The following RBMS1 variants were observed in gnomAD, a reference collection of about 807,000 sequenced individuals.
RBMS1 encodes the protein RNA-binding motif, single-stranded-interacting protein 1.
RBMS1 carries 17 observed loss-of-function variants against 62.3 expected under a neutral mutation model. The ratio of observed to expected loss-of-function variants is 0.27; its 90% confidence interval spans 0.19 to 0.41. RBMS1 has a LOEUF of 0.41. Ranked by LOEUF, RBMS1 falls within the 10% of genes least tolerant of loss-of-function variation. The pLI is 1.00. For missense variants in RBMS1, 334 were observed against 504.5 expected (o/e 0.66, Z 3.24); for synonymous variants, 172 against 170.0 (o/e 1.01, Z -0.09).
At chr2:160,392,716 A>C (rs999331594) in intron 1 of RBMS1, among the ~76,000 whole-genome samples, 2 of 152,128 alleles carry the variant, frequency 1.3e-5, no homozygotes, top group Non-Finnish European at 2.9e-5. Context: ...ACATAGTGAG[A>C]TCTTATCTCT....
intron 1 of RBMS1, among the ~76,000 whole-genome samples, chr2:160,394,097 C>T (rs926275264): frequency 2.6e-5 from 4 of 152,110 alleles, no homozygotes; most frequent in African/African-American, 9.7e-5. Context: ...TGAGGGAGAC[C>T]GACAGACTTC....
At chr2:160,312,011 A>C (rs996246294) in intron 4 of RBMS1, among the ~76,000 whole-genome samples, 1 of 152,210 alleles carries the variant, frequency 6.6e-6, no homozygotes, top group African/African-American at 2.4e-5. Flanking sequence ...TAAGAGATGC[A>C]TGTCATTCCA....
At chr2:160,370,130 T>C (rs553303607) in intron 1 of RBMS1, among the ~76,000 whole-genome samples, 2 of 152,290 alleles carry the variant, frequency 1.3e-5, no homozygotes, top group African/African-American at 4.8e-5. Flanking sequence ...AGAGGGTTCC[T>C]AAATGTACCC....
chr2:160,300,587 T>G (rs1355503257), intron 6 of RBMS1, 64 bp downstream of exon 6: 1 of 1,498,896 alleles, frequency 6.7e-7, no homozygotes, highest in Non-Finnish European at 8.9e-7. Flanking sequence ...AGAGTCATCA[T>G]GTGCTAAAGT....
chr2:160,373,578 G>C (rs1693845202), intron 1 of RBMS1, among the ~76,000 whole-genome samples: 1 of 152,176 alleles, frequency 6.6e-6, no homozygotes. Context: ...AAACACACAA[G>C]AGTTTTTGTG....
chr2:160,284,563 AC>A (rs1319953346), intron 9 of RBMS1: 5 of 547,158 alleles, frequency 9.1e-6, no homozygotes, highest in Non-Finnish European at 1.6e-5. Flanking sequence ...CCAAGGACTG[AC>A]CACTGACAAA....
chr2:160,322,946 C>T (rs545889949), intron 2 of RBMS1, among the ~76,000 whole-genome samples: 82 of 152,216 alleles, frequency 5.4e-4, no homozygotes, highest in African/African-American at 1.9e-3. Context: ...ACCTCAGGGA[C>T]TGGGATAAGG....
intron 2 of RBMS1, among the ~76,000 whole-genome samples, chr2:160,365,153 G>T (rs796137225): frequency 3.5e-4 from 54 of 152,144 alleles, no homozygotes; most frequent in African/African-American, 1.3e-3. Flanking sequence ...TACATTCTAA[G>T]GCACGAAACT....
chr2:160,279,622 T>C (rs1688005870), intron 10 of RBMS1: 4 of 152,246 alleles, frequency 2.6e-5, no homozygotes, highest in Admixed American at 6.5e-5. Context: ...ATGAACTCTT[T>C]ATTTTTGGAC....
At chr2:160,481,517 A>G (rs1685371532) in intron 1 of RBMS1, among the ~76,000 whole-genome samples, 1 of 152,176 alleles carries the variant, frequency 6.6e-6, no homozygotes, top group Non-Finnish European at 1.5e-5. Flanking sequence ...AGGAAAACTG[A>G]AAATTAAGGG....
chr2:160,366,084 C>T (rs549554486), intron 2 of RBMS1, among the ~76,000 whole-genome samples: 1 of 152,268 alleles, frequency 6.6e-6, no homozygotes, highest in East Asian at 1.9e-4. Context: ...GGAGGGATGG[C>T]CTTCTAGAAA....
chr2:160,369,407 T>C (rs2105162099), intron 1 of RBMS1, among the ~76,000 whole-genome samples: 1 of 152,356 alleles, frequency 6.6e-6, no homozygotes, highest in East Asian at 1.9e-4. Context: ...CTACCTGCCA[T>C]CCAGCCCTAC....
chr2:160,416,642 G>T (rs1266466752), intron 1 of RBMS1, among the ~76,000 whole-genome samples: 1 of 152,088 alleles, frequency 6.6e-6, no homozygotes, highest in African/African-American at 2.4e-5. Context: ...ATACCCTCAG[G>T]TCGATCAGGC....
intron 1 of RBMS1, among the ~76,000 whole-genome samples, chr2:160,391,981 T>C (rs1026615033): frequency 2.6e-5 from 4 of 151,872 alleles, no homozygotes; most frequent in Non-Finnish European, 5.9e-5. Context: ...ACCAAATTAA[T>C]TAATTAAATA....
intron 9 of RBMS1, 179 bp downstream of exon 9, chr2:160,284,589 TTACATTC>T (rs1475835103): frequency 1.2e-5 from 7 of 584,878 alleles, no homozygotes; most frequent in Non-Finnish European, 1.8e-5. Flanking sequence ...TTCCTTTGCT[TTACATTC>T]TCCTATACAT....
rs773872555 is a variant in RBMS1 at position 160,318,198 on chromosome 2, A to T, written c.281T>A (p.Ile94Asn). ...GCATTTGTTCGTTGTCTTATCCAAA[A>T]TTGCCTTTGTGGAGACTATTTTCCC... is the stretch of plus-strand genomic sequence containing the variant. ...PYGKIVSTKA[I>N]LDKTTNKCKG... The change falls in exon 3 of 14, where the codon ATT (isoleucine) becomes AAT (asparagine). Residue 94 changes from isoleucine (I) to asparagine (N), a missense_variant. By Grantham distance (149) the Ile-to-Asn change is moderately radical (BLOSUM62 -3). Coordinates refer to ENST00000348849, the MANE Select transcript of RBMS1 (RefSeq NM_016836.4). The T allele has an allele frequency of 6.4e-7, 1 of 1,573,888 alleles. No individual in the cohort carries two copies. The highest frequency in any genetic ancestry group is 1.2e-5 in the South Asian group (1 of 84,922).
intron 1 of RBMS1, among the ~76,000 whole-genome samples, chr2:160,385,272 T>G (rs62177319): frequency 0.077 from 11,800 of 152,296 alleles, 644 homozygotes; most frequent in South Asian, 0.19. Context: ...CATGACCAGT[T>G]CTAACCTTAA....
intron 1 of RBMS1, among the ~76,000 whole-genome samples, chr2:160,415,166 T>TA (rs775116718): frequency 3.9e-5 from 6 of 152,076 alleles, no homozygotes; most frequent in Non-Finnish European, 8.8e-5. Flanking sequence ...TGTAAGCCTA[T>TA]AAAAATGTAA....
chr2:160,328,756 T>C (rs1198840839), intron 2 of RBMS1, among the ~76,000 whole-genome samples: 1 of 152,190 alleles, frequency 6.6e-6, no homozygotes, highest in Non-Finnish European at 1.5e-5. Flanking sequence ...TAAACTGTTT[T>C]TCAAGTGTCT....
Sources: allele counts gnomAD v4.1 joint callset (sites outside exome capture counted in the v4.1 genomes callset), GRCh38; gene constraint gnomAD v4.1.1; transcripts MANE v1.5; gene names NCBI Gene and HGNC (gene_info 2026-07-23, HGNC 2026-07-21).